Variants in HDX observed in about 807,000 individuals in gnomAD.
HDX encodes the protein chromosome X open reading frame 43.
A neutral mutation model predicts 45.2 loss-of-function variants in HDX; 19 were observed. The ratio of observed to expected loss-of-function variants is 0.42; its 90% CI spans 0.29 to 0.62. HDX has a LOEUF of 0.62. Among genes scored for constraint, HDX ranks in the 20% least tolerant of loss-of-function variants. The pLI is 0.20. For missense variants in HDX, 532 were observed against 493.9 expected (o/e 1.08, Z -0.73); for synonymous variants, 188 against 172.8 (o/e 1.09, Z -0.69).
chrX:84,326,333 C>T (rs1217903437), intron 9 of HDX, 33 bp from the exon 10 acceptor site: 2 of 1,088,236 alleles, frequency 1.8e-6, no homozygotes, highest in Non-Finnish European at 2.5e-6. Flanking sequence ...ATACAATTAC[C>T]TTATGTAAAC....
At chrX:84,387,356 T>C (rs2038342996) in intron 5 of HDX, among the ~76,000 whole-genome samples, 2 of 111,833 alleles carry the variant, frequency 1.8e-5, no homozygotes, top group Non-Finnish European at 1.9e-5. Context: ...TAGGTCCAAC[T>C]GGTCAAGTGT....
intron 6 of HDX, among the ~76,000 whole-genome samples, chrX:84,349,882 G>T (rs1386023169): frequency 9.1e-6 from 1 of 109,732 alleles, no homozygotes; most frequent in African/African-American, 3.3e-5. Context: ...TGGCAATAGA[G>T]AGTGGAATAA....
intron 1 of HDX, among the ~76,000 whole-genome samples, chrX:84,490,256 C>G (rs958932499): frequency 9.0e-6 from 1 of 110,748 alleles, no homozygotes; most frequent in Non-Finnish European, 1.9e-5. Context: ...TATTTATGCT[C>G]TTAGCATTAT....
intron 7 of HDX, among the ~76,000 whole-genome samples, chrX:84,343,902 A>G (rs1369402453): frequency 1.8e-5 from 2 of 110,886 alleles, no homozygotes. Flanking sequence ...CTAGCCTGGT[A>G]TTTGTCGCAT....
At chrX:84,451,827 A>T (rs1280279060) in intron 4 of HDX, among the ~76,000 whole-genome samples, 1 of 111,889 alleles carries the variant, frequency 8.9e-6, no homozygotes, top group Non-Finnish European at 1.9e-5. Context: ...GTTAATACAA[A>T]ATGATCAAGT....
chrX:84,450,260 A>G (rs1007451315), intron 4 of HDX, among the ~76,000 whole-genome samples: 6 of 111,398 alleles, frequency 5.4e-5, no homozygotes, highest in Non-Finnish European at 3.8e-5. Context: ...ATGGACAACA[A>G]CAAAAAAAAC....
intron 4 of HDX, among the ~76,000 whole-genome samples, chrX:84,457,610 T>A (rs189631063): frequency 2.1e-4 from 24 of 111,891 alleles, no homozygotes; most frequent in East Asian, 5.6e-4. Flanking sequence ...AAAATTTGAG[T>A]AATTTCTTCA....
intron 5 of HDX, among the ~76,000 whole-genome samples, chrX:84,417,791 T>C (rs773067989): frequency 1.5e-3 from 163 of 112,023 alleles, no homozygotes; most frequent in African/African-American, 5.1e-3. Flanking sequence ...CACAGAACAC[T>C]GATGAAACTG....
intron 5 of HDX, among the ~76,000 whole-genome samples, chrX:84,422,601 C>A (rs191709071): frequency 1.9e-5 from 2 of 106,890 alleles, no homozygotes; most frequent in South Asian, 8.0e-4. Context: ...TAGTAAAGAT[C>A]GGAGTAGAAA....
chrX:84,417,169 A>AGAAG lies in HDX; in HGVS notation c.1305+23362_1305+23363insCTTC, dbSNP rs1302140871. 2.8e-5 allele frequency among the ~76,000 whole-genome samples: 3 copies of AGAAG among 106,293 alleles called. No individual in the cohort carries two copies. In the East Asian group the frequency reaches 9.2e-4, roughly 33 times the overall value. 92.3% of individuals were successfully genotyped at this position (106,293 alleles called of 115,157 possible). ...ACTCCAAAAAGAAAGAAAGAAAGAA[A>AGAAG]GAATGAAAGAAAGAAAGAGAGAGAA... On this transcript the variant is annotated intron_variant, in intron 5 of 10. Transcript: ENST00000373177.
intron 5 of HDX, among the ~76,000 whole-genome samples, chrX:84,401,342 A>G (rs2038700963): frequency 8.9e-6 from 1 of 112,046 alleles, no homozygotes; most frequent in Non-Finnish European, 1.9e-5. Context: ...ATCTACAAGG[A>G]ACTTAATCAA....
intron 5 of HDX, among the ~76,000 whole-genome samples, chrX:84,385,272 G>A (rs1335053618): frequency 3.4e-5 from 3 of 87,328 alleles, no homozygotes; most frequent in Non-Finnish European, 6.5e-5. Flanking sequence ...GGAGTGCAGT[G>A]GCGGGATCTC....
chrX:84,468,619 G>A lies in HDX; in HGVS notation c.1104C>T (p.Asn368=), dbSNP rs1289405415. 2 of 1,205,596 alleles carry A rather than the reference G, an allele frequency of 1.7e-6. No individual in the cohort carries two copies. The highest frequency in any genetic ancestry group is 2.2e-6 in the Non-Finnish European group (2 of 891,221). ...RDMSDNVLYQ[N]RNYHLTPRTS... is the part of the protein sequence containing the mutation. ...TCCGTGGTGTCAAATGGTAGTTTCT[G>A]TTTTGATACAGTACATTGTCTGACA... is the stretch of plus-strand genomic sequence containing the variant. Residue 368 remains asparagine (N), a synonymous_variant, in exon 4 of 11, where the codon AAC becomes AAT. Coordinates refer to ENST00000373177, the MANE Select transcript of HDX (RefSeq NM_001177479.2).
intron 4 of HDX, among the ~76,000 whole-genome samples, chrX:84,440,949 G>A (rs1239292531): frequency 2.7e-5 from 3 of 110,734 alleles, no homozygotes; most frequent in Non-Finnish European, 5.7e-5. Flanking sequence ...GAATAGAGTA[G>A]GCCCCCGTAT....
chrX:84,488,668 G>A (rs2040840660), intron 1 of HDX, among the ~76,000 whole-genome samples: 1 of 110,938 alleles, frequency 9.0e-6, no homozygotes, highest in Non-Finnish European at 1.9e-5. Context: ...GAAAGCTAAA[G>A]TGTATACTCC....
At chrX:84,440,120 G>T (rs1254403169) in intron 5 of HDX, 1 of 112,107 alleles carries the variant, frequency 8.9e-6, no homozygotes, top group African/African-American at 3.3e-5. Flanking sequence ...AATAAGATTG[G>T]TAAACCTTAA....
intron 3 of HDX, 117 bp downstream of exon 3, chrX:84,475,134 G>A: frequency 1.9e-6 from 1 of 533,941 alleles, no homozygotes; most frequent in Non-Finnish European, 3.1e-6. Context: ...TTATACCAGG[G>A]AAGTGAAGCT....
chrX:84,441,114 A>G (rs191139098), intron 4 of HDX, among the ~76,000 whole-genome samples: 10 of 111,204 alleles, frequency 9.0e-5, no homozygotes, highest in Non-Finnish European at 1.1e-4. Context: ...AAAATAAAAC[A>G]GTTATGACAA....
intron 5 of HDX, among the ~76,000 whole-genome samples, chrX:84,404,827 A>T (rs1423386317): frequency 2.7e-5 from 3 of 111,421 alleles, no homozygotes; most frequent in African/African-American, 9.8e-5. Context: ...AAACAATATC[A>T]TGAGATTTTC....
Sources: gnomAD v4.1 joint callset for allele counts (sites outside exome capture counted in the v4.1 genomes callset) on GRCh38, gnomAD v4.1.1 for gene constraint, MANE v1.5 for transcripts, NCBI Gene and HGNC (gene_info 2026-07-23, HGNC 2026-07-21) for gene names.